Variants in DAB1 observed in about 807,000 individuals in gnomAD.
DAB1 encodes the protein DAB adaptor protein 1.
In DAB1, 15 loss-of-function variants were observed where a neutral mutation model predicts 64.6. That is an observed-to-expected ratio of 0.23 (90% CI 0.16 to 0.36). DAB1 has a LOEUF of 0.36. Ranked by LOEUF, DAB1 falls within the 10% of genes least tolerant of loss-of-function variation. DAB1 has a pLI of 1.00. For synonymous variants in DAB1, 235 were observed against 251.9 expected (o/e 0.93, Z 0.64); for missense variants, 596 against 706.7 (o/e 0.84, Z 1.78).
intron 5 of DAB1, among the ~76,000 whole-genome samples, chr1:57,900,040 G>A (rs1441602993): frequency 6.6e-6 from 1 of 152,000 alleles, no homozygotes; most frequent in African/African-American, 2.4e-5. Context: ...CTAGGCTCAA[G>A]CTGTCCTCCC....
At chr1:58,526,657 G>A (rs529850685) in intron 2 of DAB1, among the ~76,000 whole-genome samples, 19 of 149,908 alleles carry the variant, frequency 1.3e-4, no homozygotes, top group African/African-American at 4.2e-4. Flanking sequence ...ATGTCTGTTC[G>A]TCTACTGTTT....
At chr1:58,432,077 G>A (rs549473875) in intron 3 of DAB1, among the ~76,000 whole-genome samples, 1 of 152,292 alleles carries the variant, frequency 6.6e-6, no homozygotes, top group East Asian at 1.9e-4. Context: ...TGCCAAGAAT[G>A]CCGTCTCCAG....
At chr1:58,197,340 G>C (rs944998181) in intron 4 of DAB1, among the ~76,000 whole-genome samples, 13 of 152,072 alleles carry the variant, frequency 8.5e-5, no homozygotes, top group African/African-American at 3.1e-4. Context: ...TCATAGGTTG[G>C]ATCTGAGATA....
Position 57,789,970 on chromosome 1 carries a change from T to A in DAB1, n.551+94029A>T, listed in dbSNP as rs12076278. Among the ~76,000 whole-genome samples the A allele has an allele frequency of 8.9e-3, 1,351 of 152,198 alleles. 17 individuals carry two copies. Among genetic ancestry groups the A allele is most frequent in the African/African-American group, 0.03 (1,239 of 41,508 alleles). The stretch of plus-strand genomic sequence containing the variant: ...ACTGAGCCCTGTCAAGAACCTCACA[T>A]ATACACCTTCCCCGGTCAGCATTTG... On this transcript the variant is annotated intron_variant and non_coding_transcript_variant, in intron 6 of 20. Coordinates refer to the DAB1 transcript ENST00000485760.
At chr1:57,647,120 T>C (rs999375653) in intron 7 of DAB1, among the ~76,000 whole-genome samples, 2 of 152,200 alleles carry the variant, frequency 1.3e-5, no homozygotes, top group Non-Finnish European at 2.9e-5. Context: ...TACTGCTCCA[T>C]ATTCTACATG....
chr1:57,446,941 T>C (rs1438273078), intron 7 of DAB1, among the ~76,000 whole-genome samples: 2 of 152,198 alleles, frequency 1.3e-5, no homozygotes, highest in Admixed American at 6.5e-5. Flanking sequence ...TTAGAATCTA[T>C]TTCTCTGAAC....
At chr1:57,038,275 AG>A (rs1207164787) in intron 9 of DAB1, among the ~76,000 whole-genome samples, 2 of 152,236 alleles carry the variant, frequency 1.3e-5, no homozygotes, top group Non-Finnish European at 2.9e-5. Context: ...AGTTTGCAAA[AG>A]CAGCCGACTT....
At chr1:57,270,961 A>G (rs955241189) in intron 2 of DAB1, among the ~76,000 whole-genome samples, 4 of 152,214 alleles carry the variant, frequency 2.6e-5, no homozygotes, top group African/African-American at 9.6e-5. Flanking sequence ...GTGTGGGTAC[A>G]GTATAAGTCC....
intron 4 of DAB1, among the ~76,000 whole-genome samples, chr1:58,299,872 C>A (rs951572633): frequency 2.0e-5 from 3 of 152,140 alleles, no homozygotes; most frequent in African/African-American, 7.2e-5. Context: ...TGCCACATAC[C>A]TAGGCCCTGT....
At chr1:57,233,236 TTCAAGCTTTGC>T (rs964441514) in intron 2 of DAB1, among the ~76,000 whole-genome samples, 13 of 146,302 alleles carry the variant, frequency 8.9e-5, no homozygotes, top group African/African-American at 3.3e-4. Flanking sequence ...GCAATGCAGC[TTCAAGCTTTGC>T]TCCGATTCTT....
At chr1:57,615,342 C>A (rs879395339) in intron 7 of DAB1, among the ~76,000 whole-genome samples, 2 of 152,152 alleles carry the variant, frequency 1.3e-5, no homozygotes, top group Non-Finnish European at 2.9e-5. Context: ...AAATAACTAG[C>A]ATGCTGTCTT....
chr1:57,610,232 A>G (rs1157632852), intron 7 of DAB1, among the ~76,000 whole-genome samples: 4 of 152,152 alleles, frequency 2.6e-5, no homozygotes, highest in African/African-American at 9.7e-5. Flanking sequence ...CTTTTCCACT[A>G]TATAATAGTA....
chr1:57,193,052 T>C (rs75233962), intron 2 of DAB1, among the ~76,000 whole-genome samples: 2,563 of 152,310 alleles, frequency 0.017, 88 homozygotes, highest in African/African-American at 0.059. Context: ...CTTGTGTTTA[T>C]CTTTTTGTGT....
intron 7 of DAB1, among the ~76,000 whole-genome samples, chr1:57,634,133 T>C (rs567750793): frequency 1.1e-3 from 163 of 152,314 alleles, no homozygotes; most frequent in African/African-American, 3.7e-3. Flanking sequence ...CAGCTAGCAT[T>C]TGACACACTT....
intron 4 of DAB1, among the ~76,000 whole-genome samples, chr1:58,311,136 G>C (rs188364743): frequency 1.2e-3 from 179 of 152,076 alleles, no homozygotes; most frequent in African/African-American, 4.1e-3. Flanking sequence ...TAAGTCCTTG[G>C]CCTGCCTTTA....
intron 5 of DAB1, among the ~76,000 whole-genome samples, chr1:58,100,688 T>C (rs1651264309): frequency 6.6e-6 from 1 of 152,212 alleles, no homozygotes; most frequent in Non-Finnish European, 1.5e-5. Flanking sequence ...TACTACATGT[T>C]TTATTCATTT....
chr1:58,156,022 C>T (rs964354948), intron 4 of DAB1, among the ~76,000 whole-genome samples: 4 of 152,172 alleles, frequency 2.6e-5, no homozygotes, highest in Non-Finnish European at 5.9e-5. Context: ...GGTTTTCTGA[C>T]TTTGTTAAAA....
chr1:57,545,774 C>T (rs779061723), intron 7 of DAB1, among the ~76,000 whole-genome samples: 12 of 152,296 alleles, frequency 7.9e-5, no homozygotes, highest in African/African-American at 2.6e-4. Context: ...GTTCATTCTA[C>T]TTGTCTGTCA....
At chr1:58,220,519 C>T (rs1050152405) in intron 4 of DAB1, among the ~76,000 whole-genome samples, 1 of 152,026 alleles carries the variant, frequency 6.6e-6, no homozygotes, top group African/African-American at 2.4e-5. Flanking sequence ...AGAAGAGAGC[C>T]CTTTAACATA....
Sources: allele counts gnomAD v4.1 joint callset (sites outside exome capture counted in the v4.1 genomes callset), GRCh38; gene constraint gnomAD v4.1.1; transcripts MANE v1.5; gene names NCBI Gene and HGNC (gene_info 2026-07-23, HGNC 2026-07-21).